The following ERMP1 variants were observed in gnomAD, a reference collection of about 807,000 sequenced individuals.
The protein encoded by ERMP1 is endoplasmic reticulum metallopeptidase 1.
In ERMP1, 86 loss-of-function variants were observed where a neutral mutation model predicts 92.0. The ratio of observed to expected loss-of-function variants is 0.93; its 90% confidence interval spans 0.79 to 1.12. The LOEUF is 1.12. Ranked by LOEUF, ERMP1 falls within the 50% of genes most tolerant of loss-of-function variation. The pLI, the probability that ERMP1 is intolerant of heterozygous loss-of-function variation, is 0.00. For synonymous variants in ERMP1, 530 were observed against 412.8 expected, an observed-to-expected ratio of 1.28 and a Z score of -3.44; for missense variants, 1,342 against 1,116.3, an observed-to-expected ratio of 1.20 and a Z score of -2.88.
chr9:5,845,019 C>T (rs1586836847), intron 6 of ERMP1, among the ~76,000 whole-genome samples: 2 of 152,040 alleles, frequency 1.3e-5, no homozygotes, highest in Non-Finnish European at 2.9e-5. Flanking sequence ...GGGAAAATGT[C>T]CCCCCACCCC....
At chr9:5,805,280 T>C (rs1828827455) in intron 9 of ERMP1, 63 bp from the exon 10 acceptor site, 1 of 1,303,308 alleles carries the variant, frequency 7.7e-7, no homozygotes, top group Non-Finnish European at 1.1e-6. Flanking sequence ...TAAATTTTTA[T>C]AGTACTGGTG....
At chr9:5,841,119 G>A (rs767484547) in intron 6 of ERMP1, among the ~76,000 whole-genome samples, 9 of 152,086 alleles carry the variant, frequency 5.9e-5, no homozygotes, top group Non-Finnish European at 1.0e-4. Flanking sequence ...TGTGAAAGGC[G>A]GTGTAAAAAA....
At chr9:5,853,620 G>A (rs1432704110) in intron 6 of ERMP1, among the ~76,000 whole-genome samples, 1 of 151,916 alleles carries the variant, frequency 6.6e-6, no homozygotes, top group Non-Finnish European at 1.5e-5. Flanking sequence ...CAGGCAGATG[G>A]GAGTTAGAGA....
chr9:5,845,912 C>T (rs967781802), intron 6 of ERMP1, among the ~76,000 whole-genome samples: 1 of 152,154 alleles, frequency 6.6e-6, no homozygotes, highest in Non-Finnish European at 1.5e-5. Flanking sequence ...TTCAGGCCCT[C>T]GGAGTGTTTG....
chr9:5,853,914 G>A (rs1017648792), intron 6 of ERMP1, among the ~76,000 whole-genome samples: 1 of 151,482 alleles, frequency 6.6e-6, no homozygotes, highest in African/African-American at 2.4e-5. Flanking sequence ...TTCCAGACAG[G>A]CTTTAAACTG....
upstream of ERMP1, among the ~76,000 whole-genome samples, chr9:5,836,718 C>T (rs555519961): frequency 2.6e-5 from 4 of 152,296 alleles, no homozygotes; most frequent in Admixed American, 2.6e-4. Context: ...AACTCTGAAG[C>T]TCTGAAATGG....
Position 5,823,915 on chromosome 9 carries a change from T to C in ERMP1, c.855A>G (p.Lys285=), listed in dbSNP as rs543589490. ...ACATACCTGTTTGGAATACAAGTTC[T>C]TTCCCTCCTACACCTGCTGCCTCTA... ...INLEAAGVGG[K]ELVFQTGPEN... Residue 285 remains lysine (K), a synonymous_variant, in exon 4 of 15, where the codon AAA becomes AAG. Coordinates refer to ENST00000339450, the MANE Select transcript of ERMP1 (RefSeq NM_024896.3). 13 of 1,612,846 alleles carry C rather than the reference T, an allele frequency of 8.1e-6. No homozygotes were observed. The highest frequency in any genetic ancestry group is 1.1e-5 in the Non-Finnish European group (13 of 1,179,004).
At chr9:5,821,073 C>A (rs1339378276) in intron 4 of ERMP1, among the ~76,000 whole-genome samples, 1 of 151,874 alleles carries the variant, frequency 6.6e-6, no homozygotes, top group South Asian at 2.1e-4. Flanking sequence ...TGTATGACAC[C>A]CCTCCAAAAA....
intron 14 of ERMP1, 29 bp downstream of exon 14, chr9:5,787,401 T>C (rs773820695): frequency 4.4e-6 from 7 of 1,608,776 alleles, no homozygotes; most frequent in Non-Finnish European, 5.9e-6. Flanking sequence ...ACCTAATCAA[T>C]GAAACAAACA....
chr9:5,866,270 G>A (rs1830657803), intron 5 of ERMP1, among the ~76,000 whole-genome samples: 2 of 152,232 alleles, frequency 1.3e-5, no homozygotes, highest in South Asian at 4.1e-4. Context: ...AGATCGAACA[G>A]GATATATTGT....
rs554089700 is a variant in ERMP1 at position 5,829,441 on chromosome 9, G to C, written c.640+1286C>G. ...TGTATAACTCTAGACGTTCAAATTT[G>C]GCCTGCTATAAGTTCGAGTAATCCA... On this transcript the variant is annotated intron_variant, in intron 2 of 14. Coordinates refer to ENST00000339450, the MANE Select transcript of ERMP1 (RefSeq NM_024896.3). 1.6e-4 allele frequency among the ~76,000 whole-genome samples: 24 copies of C among 152,120 alleles called. No individual in the cohort carries two copies. In the South Asian group the frequency reaches 4.6e-3, roughly 29 times the overall value.
Position 5,833,006 on chromosome 9 carries a change from C to T in ERMP1, c.22G>A (p.Ala8Thr), listed in dbSNP as rs751140231. 3 of 1,555,222 alleles carry T rather than the reference C, an allele frequency of 1.9e-6. No individual in the cohort carries two copies. The highest frequency in any genetic ancestry group is 2.8e-5 in the African/African-American group (2 of 70,736). ...CCGACGCGGTGCCGCCTCACAGCAG[C>T]CGACTCAGAACCCCACTCCATGGCC... MEWGSESAAVRRHRVGVE... is the reference protein window; with the variant it reads MEWGSESTAVRRHRVGVE... Residue 8 changes from alanine to threonine, a missense_variant, in exon 1 of 15, where the codon GCT becomes ACT. Coordinates refer to ENST00000339450, the MANE Select transcript of ERMP1 (RefSeq NM_024896.3).
intron 1 of ERMP1, among the ~76,000 whole-genome samples, chr9:5,831,820 C>G (rs1262626112): frequency 6.6e-6 from 1 of 152,146 alleles, no homozygotes; most frequent in East Asian, 1.9e-4. Flanking sequence ...AACTTCAATT[C>G]AGGCCAAAAC....
At chr9:5,834,899 T>G (rs763109032), upstream of ERMP1, among the ~76,000 whole-genome samples, 2 of 150,894 alleles carry the variant, frequency 1.3e-5, no homozygotes, top group Non-Finnish European at 2.9e-5. Flanking sequence ...TATTTATCTG[T>G]GGTAATGCAG....
intron 6 of ERMP1, among the ~76,000 whole-genome samples, chr9:5,844,919 G>A (rs1441399433): frequency 1.3e-5 from 2 of 152,166 alleles, no homozygotes; most frequent in Non-Finnish European, 2.9e-5. Flanking sequence ...TGGCTGCTTT[G>A]AGCATGTCAG....
chr9:5,838,503 C>G (rs755611682), intron 6 of ERMP1, among the ~76,000 whole-genome samples: 1 of 151,260 alleles, frequency 6.6e-6, no homozygotes, highest in Non-Finnish European at 1.5e-5. Flanking sequence ...TGCACTCCAG[C>G]CTGGGCGACA....
chr9:5,852,099 G>A (rs184614500), intron 6 of ERMP1, among the ~76,000 whole-genome samples: 2 of 152,194 alleles, frequency 1.3e-5, no homozygotes, highest in African/African-American at 2.4e-5. Flanking sequence ...AAAGCAAAAG[G>A]TTAAGTAAAT....
At chr9:5,820,466 G>A (rs1829489219) in intron 4 of ERMP1, among the ~76,000 whole-genome samples, 1 of 152,276 alleles carries the variant, frequency 6.6e-6, no homozygotes, top group South Asian at 2.1e-4. Context: ...TAGAATTACA[G>A]GGGCATGAAT....
At chr9:5,813,588 T>G (rs1450482501) in intron 4 of ERMP1, among the ~76,000 whole-genome samples, 1 of 152,096 alleles carries the variant, frequency 6.6e-6, no homozygotes, top group East Asian at 1.9e-4. Context: ...AATGCTCCAA[T>G]GAACATTTTT....
Sources: allele counts gnomAD v4.1 joint callset (sites outside exome capture counted in the v4.1 genomes callset), GRCh38; gene constraint gnomAD v4.1.1; transcripts MANE v1.5; gene names NCBI Gene and HGNC (gene_info 2026-07-23, HGNC 2026-07-21).